Variants in CNTNAP5 observed in about 807,000 individuals in gnomAD.
CNTNAP5 encodes contactin-associated protein-like 5.
Under a neutral mutation model 150.2 loss-of-function variants are expected in CNTNAP5, and 72 were observed. The ratio of observed to expected loss-of-function variants is 0.48; its 90% CI spans 0.40 to 0.58. The LOEUF is 0.58. Among genes scored for constraint, CNTNAP5 ranks in the 20% least tolerant of loss-of-function variants. CNTNAP5 has a pLI of 0.00. For synonymous variants in CNTNAP5, 672 were observed against 619.8 expected (o/e 1.08, Z -1.25); for missense variants, 1,636 against 1,626.2 (o/e 1.01, Z -0.10).
At chr2:124,439,675 C>T (rs1480315245) in intron 5 of CNTNAP5, among the ~76,000 whole-genome samples, 1 of 152,106 alleles carries the variant, frequency 6.6e-6, no homozygotes, top group African/African-American at 2.4e-5. Flanking sequence ...CACATTGCTT[C>T]CTGTCCGTTT....
chr2:124,708,419 A>T (rs1045766470), intron 13 of CNTNAP5, among the ~76,000 whole-genome samples: 1 of 152,198 alleles, frequency 6.6e-6, no homozygotes, highest in Non-Finnish European at 1.5e-5. Context: ...ATCCAGAAGG[A>T]AATGTCATGA....
chr2:124,733,496 T>C (rs1680318101), intron 13 of CNTNAP5, among the ~76,000 whole-genome samples: 1 of 152,070 alleles, frequency 6.6e-6, no homozygotes, highest in African/African-American at 2.4e-5. Context: ...CAACTATTCC[T>C]GCAGGAAAGA....
chr2:124,886,355 GC>G (rs1415821027), intron 21 of CNTNAP5, among the ~76,000 whole-genome samples: 1 of 152,094 alleles, frequency 6.6e-6, no homozygotes, highest in East Asian at 1.9e-4. Context: ...CACTCATAGA[GC>G]ACTGTGACAG....
chr2:124,684,068 G>T (rs1353653715), intron 13 of CNTNAP5, among the ~76,000 whole-genome samples: 1 of 152,152 alleles, frequency 6.6e-6, no homozygotes, highest in Non-Finnish European at 1.5e-5. Flanking sequence ...AAAATTAATA[G>T]GTAAATTAGC....
At chr2:124,789,721 G>A (rs753573856) in intron 17 of CNTNAP5, among the ~76,000 whole-genome samples, 181 bp from the exon 18 acceptor site, 4 of 152,032 alleles carry the variant, frequency 2.6e-5, no homozygotes, top group East Asian at 3.9e-4. Context: ...ATTGTTTCTA[G>A]GACATGCATT....
Position 124,235,889 on chromosome 2 carries a change from G to A in CNTNAP5, c.188-6311G>A, listed in dbSNP as rs112455097. On this transcript the variant is annotated intron_variant, in intron 2 of 23. Transcript: ENST00000682447. ...GGTCATTCCAGATTTTCTTACAGGT[G>A]TTTATCATTTTTGCAACCCACATGG... Among the ~76,000 whole-genome samples the A allele has an allele frequency of 3.1e-3, 475 of 152,142 alleles. 3 individuals carry two copies. The highest frequency in any genetic ancestry group is 0.011 in the African/African-American group (452 of 41,518).
chr2:124,781,063 G>T (rs548340722), intron 17 of CNTNAP5, among the ~76,000 whole-genome samples: 2 of 152,296 alleles, frequency 1.3e-5, no homozygotes, highest in East Asian at 1.9e-4. Context: ...GAGGGACAGT[G>T]GTCTGATTCT....
chr2:124,860,223 G>A (rs960362225), intron 19 of CNTNAP5, among the ~76,000 whole-genome samples: 23 of 151,764 alleles, frequency 1.5e-4, no homozygotes, highest in African/African-American at 5.3e-4. Context: ...GGTGGTGGGC[G>A]CCTGTAGTCC....
At chr2:124,817,099 A>G (rs1682380942) in intron 19 of CNTNAP5, among the ~76,000 whole-genome samples, 1 of 152,248 alleles carries the variant, frequency 6.6e-6, no homozygotes. Flanking sequence ...TGAATGACTT[A>G]TATTAACACT....
At chr2:124,259,880 T>G (rs1328021322) in intron 3 of CNTNAP5, among the ~76,000 whole-genome samples, 1 of 152,142 alleles carries the variant, frequency 6.6e-6, no homozygotes, top group Non-Finnish European at 1.5e-5. Flanking sequence ...TACAAACAAA[T>G]GGAAGCACAT....
At chr2:124,419,132 C>T (rs1414285117) in intron 4 of CNTNAP5, among the ~76,000 whole-genome samples, 1 of 1,594 alleles carries the variant, frequency 6.3e-4, no homozygotes, top group Non-Finnish European at 5.3e-3. Flanking sequence ...CAGAGCGAGA[C>T]TCCTTCTCAA....
intron 8 of CNTNAP5, among the ~76,000 whole-genome samples, chr2:124,518,811 A>T (rs932863588): frequency 6.6e-6 from 1 of 151,702 alleles, no homozygotes; most frequent in Non-Finnish European, 1.5e-5. Flanking sequence ...ACGTTATGAA[A>T]CCCCATCTCT....
At chr2:124,264,557 T>C (rs114348568) in intron 3 of CNTNAP5, among the ~76,000 whole-genome samples, 4,631 of 152,126 alleles carry the variant, frequency 0.03, 236 homozygotes, top group African/African-American at 0.1. Flanking sequence ...CTGGGAAAAC[T>C]CCAGAATCAT....
At chr2:124,879,761 G>C (rs1464161606) in intron 21 of CNTNAP5, among the ~76,000 whole-genome samples, 1 of 152,086 alleles carries the variant, frequency 6.6e-6, no homozygotes, top group African/African-American at 2.4e-5. Context: ...GATTTTCTTT[G>C]CCTGATATCC....
chr2:124,660,082 G>A (rs1305919017), intron 13 of CNTNAP5, among the ~76,000 whole-genome samples: 1 of 151,002 alleles, frequency 6.6e-6, no homozygotes, highest in Non-Finnish European at 1.5e-5. Context: ...AAGGAAGGAA[G>A]GGAGGGAGAT....
At position 124,504,375 on chromosome 2, in the gene CNTNAP5, C is replaced by G; in HGVS notation, c.1146C>G (p.Pro382=). ...CCAGCGGCAGCTATTTGCTGCTGCC[C>G]GGCACCCCCCAAATTGATGGGCTCT... ...VNSSGSYLLL[P]GTPQIDGLSV... Residue 382 remains proline (P), a synonymous_variant, in exon 8 of 24, where the codon CCC becomes CCG. Transcript: ENST00000682447. The G allele has an allele frequency of 6.2e-7, 1 of 1,613,876 alleles. No individual in the cohort carries two copies. The highest frequency in any genetic ancestry group is 8.5e-7 in the Non-Finnish European group (1 of 1,179,862).
At chr2:124,591,352 A>G (rs1696678499) in intron 11 of CNTNAP5, among the ~76,000 whole-genome samples, 1 of 152,212 alleles carries the variant, frequency 6.6e-6, no homozygotes, top group Non-Finnish European at 1.5e-5. Flanking sequence ...AGTGGATGGT[A>G]ATCTCTGTCT....
chr2:124,690,051 C>A (rs1451142487), intron 13 of CNTNAP5, among the ~76,000 whole-genome samples: 1 of 151,846 alleles, frequency 6.6e-6, no homozygotes, highest in Non-Finnish European at 1.5e-5. Context: ...ATATACATTA[C>A]TTTTATAACT....
intron 3 of CNTNAP5, among the ~76,000 whole-genome samples, chr2:124,403,516 A>G (rs894355839): frequency 1.3e-5 from 2 of 152,250 alleles, no homozygotes; most frequent in African/African-American, 2.4e-5. Flanking sequence ...TATGTGCAGC[A>G]TTAAGATGCT....
Sources: gnomAD v4.1 joint callset for allele counts (sites outside exome capture counted in the v4.1 genomes callset) on GRCh38, gnomAD v4.1.1 for gene constraint, MANE v1.5 for transcripts, NCBI Gene and HGNC (gene_info 2026-07-23, HGNC 2026-07-21) for gene names.